CTNND2: variants seen among roughly 807,000 people sequenced by gnomAD.
CTNND2 encodes the protein catenin delta 2, also known as catenin delta-2.
CTNND2 carries 22 observed loss-of-function variants against 144.4 expected under a neutral mutation model. That is an observed-to-expected ratio of 0.15 (90% CI 0.11 to 0.22). CTNND2 has a LOEUF of 0.22. CTNND2 is among the 10% of genes least tolerant of loss of function. The pLI, the probability that CTNND2 is intolerant of heterozygous loss-of-function variation, is 1.00. For synonymous variants in CTNND2, 751 were observed against 695.6 expected (o/e 1.08, Z -1.25); for missense variants, 1,353 against 1,618.8 (o/e 0.84, Z 2.82).
At chr5:11,777,074 C>G (rs574523584) in intron 1 of CTNND2, among the ~76,000 whole-genome samples, 1 of 152,290 alleles carries the variant, frequency 6.6e-6, no homozygotes, top group East Asian at 1.9e-4. Context: ...ATGACACTTT[C>G]TATTTCAAAT....
At chr5:11,140,058 T>A (rs985423597) in intron 12 of CTNND2, among the ~76,000 whole-genome samples, 2 of 152,208 alleles carry the variant, frequency 1.3e-5, no homozygotes, top group African/African-American at 4.8e-5. Flanking sequence ...CGCCCTATTT[T>A]AAGGTCAGGT....
At chr5:11,167,726 C>T (rs370474843) in intron 11 of CTNND2, among the ~76,000 whole-genome samples, 5 of 149,542 alleles carry the variant, frequency 3.3e-5, no homozygotes, top group Admixed American at 3.3e-4. Flanking sequence ...GACAGAGTCT[C>T]ACTCTGTTGC....
intron 2 of CTNND2, among the ~76,000 whole-genome samples, chr5:11,718,328 A>T (rs946510073): frequency 6.6e-6 from 1 of 152,180 alleles, no homozygotes; most frequent in Non-Finnish European, 1.5e-5. Context: ...GAGAATTTCA[A>T]TTGACCCAAG....
chr5:11,125,247 G>A (rs1202480813), intron 12 of CTNND2, among the ~76,000 whole-genome samples: 5 of 152,184 alleles, frequency 3.3e-5, no homozygotes, highest in Non-Finnish European at 7.4e-5. Flanking sequence ...TGCAGAGGTT[G>A]CAGGGCTAGG....
At position 11,110,980 on chromosome 5, in the gene CTNND2, G is replaced by T; in HGVS notation, c.2341C>A (p.Gln781Lys). The T allele has an allele frequency of 6.2e-7, 1 of 1,614,100 alleles. No individual in the cohort carries two copies. The highest frequency in any genetic ancestry group is 1.1e-5 in the South Asian group (1 of 91,078). ...TCGTCCGTGCCCATGTGCTGTCCCT[G>T]AGACGTTTCTGCCGCCAGCCGGTAC... ...LSYRLAAETS[Q>K]GQHMGTDELD... is the part of the protein sequence containing the mutation. Residue 781 changes from glutamine (Q) to lysine (K), a missense_variant, in exon 14 of 22, where the codon CAG becomes AAG. This residue lies in a region of CTNND2 where 459 missense variants were observed against 674.3 expected (regional missense o/e 0.68). Transcript: ENST00000304623.
At chr5:11,111,064 G>C in intron 13 of CTNND2, 21 bp from the exon 14 acceptor site, 2 of 1,605,932 alleles carry the variant, frequency 1.2e-6, no homozygotes, top group South Asian at 2.2e-5. Flanking sequence ...GGGGGAAACA[G>C]AGGAAAGAAT....
intron 3 of CTNND2, among the ~76,000 whole-genome samples, chr5:11,473,675 G>A (rs1256301539): frequency 6.6e-6 from 1 of 152,234 alleles, no homozygotes; most frequent in Non-Finnish European, 1.5e-5. Context: ...CACACTGAGA[G>A]AAGGACACAG....
At chr5:11,572,644 C>T (rs961168996) in intron 2 of CTNND2, among the ~76,000 whole-genome samples, 1 of 152,066 alleles carries the variant, frequency 6.6e-6, no homozygotes, top group Admixed American at 6.5e-5. Context: ...CTAATATACC[C>T]ACTGGCTCCT....
intron 2 of CTNND2, among the ~76,000 whole-genome samples, chr5:11,597,175 C>A (rs1308178449): frequency 6.6e-6 from 1 of 152,182 alleles, no homozygotes; most frequent in Non-Finnish European, 1.5e-5. Flanking sequence ...ATTTTGAAGA[C>A]TTTTCTGTAA....
chr5:11,224,725 T>C (rs1168450028), intron 10 of CTNND2, among the ~76,000 whole-genome samples: 1 of 152,148 alleles, frequency 6.6e-6, no homozygotes, highest in Non-Finnish European at 1.5e-5. Context: ...TTCTGGAAGG[T>C]TCTTAGTCAA....
At chr5:11,815,639 G>A (rs926122351) in intron 1 of CTNND2, among the ~76,000 whole-genome samples, 8 of 152,042 alleles carry the variant, frequency 5.3e-5, no homozygotes, top group South Asian at 2.1e-4. Flanking sequence ...GATAGATCTC[G>A]TAAAATCAAG....
intron 3 of CTNND2, among the ~76,000 whole-genome samples, chr5:11,419,017 GATGTCTATCTATAT>G (rs1762130192): frequency 7.2e-6 from 1 of 139,606 alleles, no homozygotes; most frequent in African/African-American, 2.7e-5. Context: ...TATCTATATA[GATGTCTATCTATAT>G]ATAGATATAT....
chr5:11,816,490 G>T (rs192107351), intron 1 of CTNND2, among the ~76,000 whole-genome samples: 1 of 150,528 alleles, frequency 6.6e-6, no homozygotes, highest in Non-Finnish European at 1.5e-5. Flanking sequence ...TAGAGGGGCC[G>T]CAGTCAGCAT....
At chr5:11,298,505 G>C (rs571427759) in intron 9 of CTNND2, among the ~76,000 whole-genome samples, 9 of 152,184 alleles carry the variant, frequency 5.9e-5, no homozygotes, top group Non-Finnish European at 1.2e-4. Flanking sequence ...AAGCTTAGGA[G>C]TGAATGTATT....
chr5:11,098,016 A>T (rs1273324807), intron 15 of CTNND2, among the ~76,000 whole-genome samples: 1 of 152,222 alleles, frequency 6.6e-6, no homozygotes, highest in African/African-American at 2.4e-5. Flanking sequence ...AAGGACTCAG[A>T]AAAAGGCTGT....
intron 9 of CTNND2, among the ~76,000 whole-genome samples, chr5:11,329,931 A>G (rs1752910211): frequency 1.3e-5 from 2 of 152,160 alleles, no homozygotes; most frequent in Admixed American, 1.3e-4. Context: ...GAAACTTACA[A>G]CAAGCTCCTA....
intron 13 of CTNND2, among the ~76,000 whole-genome samples, chr5:11,113,788 G>A (rs186311983): frequency 1.3e-5 from 2 of 152,344 alleles, no homozygotes; most frequent in East Asian, 3.9e-4. Flanking sequence ...CAGTCCTGGG[G>A]TGGGACTGGA....
intron 2 of CTNND2, among the ~76,000 whole-genome samples, chr5:11,714,523 T>G (rs1323420777): frequency 6.6e-6 from 1 of 152,160 alleles, no homozygotes; most frequent in East Asian, 1.9e-4. Flanking sequence ...CATTTAATAG[T>G]CTGTGACCCA....
chr5:11,478,948 C>A lies in CTNND2; in HGVS notation c.288-66879G>T, dbSNP rs1280232239. ...ATTTAACAATAGCAACATTTAGAAACTACTAGAAAGGGTTCTATTATATTA... is the reference window on the plus strand; with the variant it reads ...ATTTAACAATAGCAACATTTAGAAAATACTAGAAAGGGTTCTATTATATTA... On this transcript the variant is annotated intron_variant, in intron 3 of 21. Coordinates refer to ENST00000304623, the MANE Select transcript of CTNND2 (RefSeq NM_001332.4). Among the ~76,000 whole-genome samples the A allele has an allele frequency of 6.6e-5, 10 of 152,224 alleles. No individual in the cohort carries two copies. The South Asian group carries it at 1.7e-3, about 25-fold the overall frequency.
Sources: allele counts gnomAD v4.1 joint callset (sites outside exome capture counted in the v4.1 genomes callset), GRCh38; gene constraint gnomAD v4.1.1; regional missense constraint gnomAD v4.1.1; transcripts MANE v1.5; gene names NCBI Gene and HGNC (gene_info 2026-07-23, HGNC 2026-07-21).